CDH2: variants seen among roughly 807,000 people sequenced by gnomAD.
CDH2 encodes cadherin 2, also known as cadherin-2.
A neutral mutation model predicts 92.0 loss-of-function variants in CDH2; 17 were observed. The observed-to-expected ratio is 0.18, with a 90% CI of 0.13 to 0.28. The LOEUF is 0.28. Among genes scored for constraint, CDH2 ranks in the 10% least tolerant of loss-of-function variants. The probability of loss-of-function intolerance (pLI) is 1.00; values close to 1 mark genes in which losing one functional copy is unlikely to be tolerated. For synonymous variants in CDH2, 419 were observed against 415.9 expected (o/e 1.01, Z -0.09); for missense variants, 862 against 1,133.1 (o/e 0.76, Z 3.44).
intron 2 of CDH2, among the ~76,000 whole-genome samples, chr18:28,100,883 C>A (rs2015215666): frequency 6.6e-6 from 1 of 152,176 alleles, no homozygotes; most frequent in South Asian, 2.1e-4. Context: ...CTGCCCAACT[C>A]ACTAGCTGAA....
chr18:28,175,706 C>T (rs776766052), intron 1 of CDH2, among the ~76,000 whole-genome samples: 1 of 152,232 alleles, frequency 6.6e-6, no homozygotes, highest in Non-Finnish European at 1.5e-5. Context: ...TGTCTCCACC[C>T]CCGGAGCAGG....
chr18:28,170,665 C>T (rs1170977764), intron 1 of CDH2, among the ~76,000 whole-genome samples: 1 of 152,086 alleles, frequency 6.6e-6, no homozygotes, highest in South Asian at 2.1e-4. Flanking sequence ...TTTTTAGGTT[C>T]ATGACTATTC....
intron 7 of CDH2, among the ~76,000 whole-genome samples, chr18:27,994,279 T>C (rs1043318146): frequency 6.6e-6 from 1 of 152,230 alleles, no homozygotes; most frequent in Non-Finnish European, 1.5e-5. Flanking sequence ...GATAACTGCA[T>C]ATTCAATGGA....
At chr18:27,933,315 G>C (rs945062290) in intron 6 of CDH2, among the ~76,000 whole-genome samples, 2 of 151,992 alleles carry the variant, frequency 1.3e-5, no homozygotes, top group African/African-American at 4.8e-5. Flanking sequence ...AGAATATCTT[G>C]GTTCAAGAGC....
intron 2 of CDH2, among the ~76,000 whole-genome samples, chr18:28,027,766 T>G (rs2013593641): frequency 6.6e-6 from 1 of 152,130 alleles, no homozygotes; most frequent in Admixed American, 6.6e-5. Context: ...TGCTACGAAA[T>G]ATTTCAATGA....
intron 2 of CDH2, among the ~76,000 whole-genome samples, chr18:28,115,272 C>A (rs1193924743): frequency 6.6e-6 from 1 of 152,134 alleles, no homozygotes; most frequent in Non-Finnish European, 1.5e-5. Flanking sequence ...TTGCCCATAG[C>A]AACTACTTCC....
intron 2 of CDH2, among the ~76,000 whole-genome samples, chr18:28,023,884 T>C (rs2013477943): frequency 6.6e-6 from 1 of 152,196 alleles, no homozygotes. Context: ...CACGGCTCCT[T>C]TTCTATTTCT....
Position 27,988,675 on chromosome 18 carries a change from T to C in CDH2, c.1599-9A>G. 1.9e-6 allele frequency: 3 copies of C among 1,582,514 alleles called. No individual in the cohort carries two copies. The highest frequency in any genetic ancestry group is 2.6e-6 in the Non-Finnish European group (3 of 1,156,628). On this transcript the variant is annotated splice_polypyrimidine_tract_variant and intron_variant, in intron 10 of 15. Coordinates refer to ENST00000269141, the MANE Select transcript of CDH2 (RefSeq NM_001792.5). ...CAGATAATTTAGTGTATCTACAAAA[T>C]GAAAGTGAAGTTTAATTTCTTTTTA...
intron 1 of CDH2, among the ~76,000 whole-genome samples, chr18:28,151,463 CA>C (rs1284507327): frequency 6.6e-6 from 1 of 152,156 alleles, no homozygotes; most frequent in East Asian, 1.9e-4. Flanking sequence ...GTGCCAAGCT[CA>C]AAATGTCAAC....
chr18:28,070,608 G>A (rs2014597571), intron 2 of CDH2, among the ~76,000 whole-genome samples: 1 of 152,190 alleles, frequency 6.6e-6, no homozygotes, highest in Non-Finnish European at 1.5e-5. Flanking sequence ...TGGGCTGGAC[G>A]CTTCACTAAA....
intron 2 of CDH2, among the ~76,000 whole-genome samples, chr18:28,022,523 A>T (rs2013439430): frequency 6.6e-6 from 1 of 152,048 alleles, no homozygotes; most frequent in Non-Finnish European, 1.5e-5. Context: ...TTTATTAACA[A>T]GAGTTAGTGG....
chr18:27,964,150 G>T (rs2011480937), intron 14 of CDH2, among the ~76,000 whole-genome samples: 1 of 152,172 alleles, frequency 6.6e-6, no homozygotes, highest in African/African-American at 2.4e-5. Flanking sequence ...TTACTATCTG[G>T]CCCTACTGAG....
chr18:27,940,123 CAT>C (rs1484332700), intron 6 of CDH2, among the ~76,000 whole-genome samples: 1 of 152,202 alleles, frequency 6.6e-6, no homozygotes, highest in Non-Finnish European at 1.5e-5. Context: ...TTTCCACAAA[CAT>C]AAATCCTTAA....
chr18:28,044,290 T>C (rs1044587135), intron 2 of CDH2, among the ~76,000 whole-genome samples: 2 of 152,190 alleles, frequency 1.3e-5, no homozygotes, highest in African/African-American at 4.8e-5. Flanking sequence ...GGCTGTACCC[T>C]GGAGGTGGAA....
At chr18:28,130,590 A>T (rs1246808675) in intron 2 of CDH2, among the ~76,000 whole-genome samples, 1 of 152,232 alleles carries the variant, frequency 6.6e-6, no homozygotes, top group African/African-American at 2.4e-5. Context: ...CAGAAGACAG[A>T]ATTCACTGGC....
At chr18:28,174,434 C>G (rs1319836977) in intron 1 of CDH2, among the ~76,000 whole-genome samples, 1 of 152,162 alleles carries the variant, frequency 6.6e-6, no homozygotes, top group Non-Finnish European at 1.5e-5. Context: ...GTAAACTGCT[C>G]TGCTTCCACT....
intron 2 of CDH2, among the ~76,000 whole-genome samples, chr18:28,124,652 A>G (rs1364810689): frequency 7.9e-5 from 12 of 152,198 alleles, no homozygotes; most frequent in Admixed American, 7.9e-4. Flanking sequence ...GAAAACAATG[A>G]TTTTGTATTC....
intron 15 of CDH2, among the ~76,000 whole-genome samples, chr18:27,961,551 AG>A (rs1440833667): frequency 6.6e-6 from 1 of 152,174 alleles, no homozygotes; most frequent in East Asian, 1.9e-4. Context: ...GATGCTTTTG[AG>A]GAACTGCAAA....
chr18:27,960,301 C>T (rs1248956703), intron 15 of CDH2, among the ~76,000 whole-genome samples: 1 of 152,110 alleles, frequency 6.6e-6, no homozygotes, highest in Admixed American at 6.6e-5. Context: ...GTATGCCTGA[C>T]CCTTCCTGGG....
Sources: allele counts gnomAD v4.1 joint callset (sites outside exome capture counted in the v4.1 genomes callset), GRCh38; gene constraint gnomAD v4.1.1; transcripts MANE v1.5; gene names NCBI Gene and HGNC (gene_info 2026-07-23, HGNC 2026-07-21).